CTNNA3: variants seen among roughly 807,000 people sequenced by gnomAD.
CTNNA3 encodes catenin alpha-3.
A neutral mutation model predicts 95.7 loss-of-function variants in CTNNA3; 76 were observed. The observed-to-expected ratio is 0.79, with a 90% CI of 0.66 to 0.96. The LOEUF (loss-of-function observed/expected upper bound fraction) is 0.96, where lower values mean the gene tolerates loss of function less well. Among genes scored for constraint, CTNNA3 ranks in the 40% least tolerant of loss-of-function variants. CTNNA3 has a pLI of 0.00. For synonymous variants in CTNNA3, 431 were observed against 374.4 expected (o/e 1.15, Z -1.74); for missense variants, 1,191 against 1,089.8 (o/e 1.09, Z -1.31).
At chr10:66,302,330 A>G (rs763983614) in intron 12 of CTNNA3, among the ~76,000 whole-genome samples, 2 of 152,060 alleles carry the variant, frequency 1.3e-5, no homozygotes, top group Non-Finnish European at 2.9e-5. Context: ...TTGACCCTAA[A>G]CTTAACAGGG....
chr10:67,723,058 C>T (rs1841189382), intron 1 of CTNNA3, among the ~76,000 whole-genome samples: 1 of 147,968 alleles, frequency 6.8e-6, no homozygotes, highest in Non-Finnish European at 1.5e-5. Context: ...GTAATCTTGG[C>T]TCACCACAAC....
chr10:66,555,486 A>C (rs553377187), intron 10 of CTNNA3, among the ~76,000 whole-genome samples: 1 of 152,250 alleles, frequency 6.6e-6, no homozygotes, highest in African/African-American at 2.4e-5. Flanking sequence ...GTTACATGAA[A>C]TTCAAGTGTA....
chr10:66,267,758 T>G (rs2091189717), intron 13 of CTNNA3, among the ~76,000 whole-genome samples: 1 of 152,148 alleles, frequency 6.6e-6, no homozygotes, highest in African/African-American at 2.4e-5. Flanking sequence ...CCTCAAGACT[T>G]TTTTCTGTTT....
Position 67,604,615 on chromosome 10 carries a change from C to T in CTNNA3, c.292+2242G>A, listed in dbSNP as rs968029237. On this transcript the variant is annotated intron_variant, in intron 3 of 17. Transcript: ENST00000433211. ...AACAAGGAGAAAAAATTCATTGAAC[C>T]TGACTGATAAAAGAATCTGTACACC... Among the ~76,000 whole-genome samples the T allele has an allele frequency of 1.4e-4, 21 of 152,072 alleles. 1 individual carries two copies. The highest frequency in any genetic ancestry group is 4.3e-4 in the African/African-American group (18 of 41,390).
intron 7 of CTNNA3, among the ~76,000 whole-genome samples, chr10:66,996,718 C>T (rs982933636): frequency 4.1e-5 from 6 of 147,080 alleles, no homozygotes; most frequent in Admixed American, 7.0e-5. Flanking sequence ...TTAATTAGCG[C>T]CTATGCAGTT....
At chr10:67,654,632 C>T (rs983746014) in intron 1 of CTNNA3, among the ~76,000 whole-genome samples, 1 of 152,008 alleles carries the variant, frequency 6.6e-6, no homozygotes, top group Admixed American at 6.6e-5. Context: ...GGACCACAGG[C>T]GCGCACCACC....
chr10:67,126,091 T>C (rs1020476421), intron 7 of CTNNA3, among the ~76,000 whole-genome samples: 5 of 152,188 alleles, frequency 3.3e-5, no homozygotes, highest in African/African-American at 1.2e-4. Flanking sequence ...TCTTTCAGCA[T>C]AAAAGACATT....
Position 65,966,734 on chromosome 10 carries a change from A to T in CTNNA3, c.2278T>A (p.Ser760Thr), listed in dbSNP as rs760532002. Residue 760 changes from serine (S) to threonine (T), a missense_variant, in exon 17 of 18, where the codon TCT becomes ACT. Physicochemically the swap from Ser to Thr is moderately conservative, Grantham distance 58 (BLOSUM62 1). Transcript: ENST00000433211. ...TAGGCCAACAAGTCCTGTTTACAAG[A>T]TGGATCTGGGCACTAAATATGAATC... ...RQIANQCPDP[S>T]CKQDLLAYLE... is the part of the protein sequence containing the mutation. 1 of 1,611,998 alleles carries T rather than the reference A, an allele frequency of 6.2e-7. No individual in the cohort carries two copies. The highest frequency in any genetic ancestry group is 1.7e-5 in the Admixed American group (1 of 59,968).
chr10:67,235,356 G>A lies in CTNNA3; in HGVS notation c.580-15486C>T, dbSNP rs564231156. Among the ~76,000 whole-genome samples the A allele has an allele frequency of 2.6e-5, 4 of 152,090 alleles. No homozygotes were observed. The East Asian group carries it at 7.7e-4, about 29-fold the overall frequency. On this transcript the variant is annotated intron_variant, in intron 5 of 17. Coordinates refer to ENST00000433211, the MANE Select transcript of CTNNA3 (RefSeq NM_013266.4). ...ACAGAACAGAACCCTCAGAAATAAT[G>A]CCACATATCTACAACTATCTGATCT...
chr10:66,093,674 A>G (rs539352511), intron 14 of CTNNA3, among the ~76,000 whole-genome samples: 1 of 152,124 alleles, frequency 6.6e-6, no homozygotes, highest in African/African-American at 2.4e-5. Context: ...ATTAATATTT[A>G]CACTAGCTGG....
chr10:67,529,938 A>G (rs1013162949), intron 4 of CTNNA3, among the ~76,000 whole-genome samples: 8 of 151,848 alleles, frequency 5.3e-5, no homozygotes, highest in Non-Finnish European at 1.0e-4. Flanking sequence ...TGTTCTCGTG[A>G]TAGTGAATGA....
intron 11 of CTNNA3, among the ~76,000 whole-genome samples, chr10:66,459,012 C>T (rs903130671): frequency 2.3e-4 from 35 of 152,124 alleles, no homozygotes; most frequent in African/African-American, 8.0e-4. Context: ...AAAACTTACA[C>T]TGACCATTCC....
At chr10:66,633,561 T>C (rs1053886783) in intron 9 of CTNNA3, among the ~76,000 whole-genome samples, 1 of 151,926 alleles carries the variant, frequency 6.6e-6, no homozygotes, top group Admixed American at 6.6e-5. Flanking sequence ...GCACTTGTAG[T>C]CCCAGCTACT....
chr10:67,741,755 G>C (rs529215348), intron 1 of CTNNA3, among the ~76,000 whole-genome samples: 1 of 151,144 alleles, frequency 6.6e-6, no homozygotes, highest in East Asian at 1.9e-4. Flanking sequence ...CTGCATTCAG[G>C]AAACCCATTT....
chr10:66,133,254 C>T (rs1334580423), intron 13 of CTNNA3, among the ~76,000 whole-genome samples: 3 of 152,106 alleles, frequency 2.0e-5, no homozygotes, highest in Non-Finnish European at 1.5e-5. Flanking sequence ...GTGGCTAATG[C>T]CTGTAATCCC....
At chr10:66,361,256 A>G (rs2092672235) in intron 12 of CTNNA3, among the ~76,000 whole-genome samples, 1 of 150,648 alleles carries the variant, frequency 6.6e-6, no homozygotes, top group Non-Finnish European at 1.5e-5. Flanking sequence ...GGCATGAGCC[A>G]CTGTGCCCAG....
chr10:66,073,008 A>C (rs2080473283), intron 14 of CTNNA3, among the ~76,000 whole-genome samples: 3 of 152,164 alleles, frequency 2.0e-5, no homozygotes, highest in Non-Finnish European at 4.4e-5. Context: ...AATTATGTTA[A>C]GTGAAATAAC....
At chr10:66,431,498 A>C (rs1055366133) in intron 11 of CTNNA3, among the ~76,000 whole-genome samples, 1 of 152,066 alleles carries the variant, frequency 6.6e-6, no homozygotes, top group Non-Finnish European at 1.5e-5. Context: ...AACCAACCCA[A>C]ATGTCCATCA....
chr10:66,219,428 GAAGT>G (rs1304694199), intron 13 of CTNNA3, among the ~76,000 whole-genome samples: 7 of 152,122 alleles, frequency 4.6e-5, no homozygotes, highest in Admixed American at 4.6e-4. Flanking sequence ...GAATATGACT[GAAGT>G]AATAGTATAG....
Sources: gnomAD v4.1 joint callset for allele counts (sites outside exome capture counted in the v4.1 genomes callset) on GRCh38, gnomAD v4.1.1 for gene constraint, MANE v1.5 for transcripts, NCBI Gene and HGNC (gene_info 2026-07-23, HGNC 2026-07-21) for gene names.